HS6ST3: variants seen among roughly 807,000 people sequenced by gnomAD.
HS6ST3 encodes the protein heparan-sulfate 6-O-sulfotransferase 3.
Under a neutral mutation model 36.7 loss-of-function variants are expected in HS6ST3, and 12 were observed. The ratio of observed to expected loss-of-function variants is 0.33; its 90% CI spans 0.21 to 0.53. The LOEUF is 0.53. Ranked by LOEUF, HS6ST3 falls within the 20% of genes least tolerant of loss-of-function variation. The pLI is 0.95. For synonymous variants in HS6ST3, 240 were observed against 257.5 expected (o/e 0.93, Z 0.65); for missense variants, 584 against 640.9 (o/e 0.91, Z 0.96).
In HS6ST3 at chr13:96,285,887, C is replaced by T. The variant is rs549576502; in HGVS notation, c.707+194318C>T. On this transcript the variant is annotated intron_variant, in intron 1 of 1. Coordinates refer to ENST00000376705, the MANE Select transcript of HS6ST3 (RefSeq NM_153456.4). ...TCCCTTCCTCTCTCTTTTCCTCTCT[C>T]TCTCCCTCTTTCCCTCTCTCTCTCC... is the stretch of plus-strand genomic sequence containing the variant. Among the ~76,000 whole-genome samples, 16 of 151,544 alleles carry T rather than the reference C, an allele frequency of 1.1e-4. No homozygotes were observed. In the East Asian group the frequency reaches 2.9e-3, roughly 28 times the overall value.
intron 1 of HS6ST3, among the ~76,000 whole-genome samples, chr13:96,584,898 T>C (rs779757722): frequency 6.6e-6 from 1 of 152,042 alleles, no homozygotes; most frequent in Non-Finnish European, 1.5e-5. Context: ...ACTTGCAGAG[T>C]TGGGAATACC....
At chr13:96,283,113 C>T (rs967290764) in intron 1 of HS6ST3, among the ~76,000 whole-genome samples, 4 of 152,122 alleles carry the variant, frequency 2.6e-5, no homozygotes, top group South Asian at 2.1e-4. Context: ...ATTTCAGATA[C>T]GTTGATGATG....
chr13:96,680,958 T>G (rs2056716548), intron 1 of HS6ST3, among the ~76,000 whole-genome samples: 1 of 152,156 alleles, frequency 6.6e-6, no homozygotes, highest in Non-Finnish European at 1.5e-5. Flanking sequence ...CTGGACAAAT[T>G]ATAAGTTTTC....
intron 1 of HS6ST3, among the ~76,000 whole-genome samples, chr13:96,469,748 G>T (rs1376956678): frequency 1.3e-5 from 2 of 152,036 alleles, no homozygotes; most frequent in East Asian, 3.9e-4. Flanking sequence ...TGATGGCGGT[G>T]GTGGTGATGG....
chr13:96,178,531 C>G (rs2054223508), intron 1 of HS6ST3, among the ~76,000 whole-genome samples: 1 of 95,216 alleles, frequency 1.1e-5, no homozygotes, highest in Non-Finnish European at 2.4e-5. Context: ...TCTCATGCTT[C>G]CTCTTGGGGC....
intron 1 of HS6ST3, among the ~76,000 whole-genome samples, chr13:96,608,815 A>C (rs889715271): frequency 6.6e-6 from 1 of 152,086 alleles, no homozygotes; most frequent in Non-Finnish European, 1.5e-5. Flanking sequence ...AGGGGAACAG[A>C]GTTGTGAATG....
chr13:96,624,919 T>G (rs1340035171), intron 1 of HS6ST3, among the ~76,000 whole-genome samples: 2 of 152,166 alleles, frequency 1.3e-5, no homozygotes, highest in African/African-American at 4.8e-5. Flanking sequence ...AGCCAGTGTT[T>G]TGGTGCATGT....
rs71113997 is a variant in HS6ST3 at position 96,464,947 on chromosome 13, CGTGTGTGTGT to C, written c.708-367511_708-367502del. ...TATCTACTATATTGGCAAGATGCTTCGTGTGTGTGTGTGTGTGTGTGTGTGTGTGTGTGTG... is the reference window on the plus strand; with the variant it reads ...TATCTACTATATTGGCAAGATGCTTCGTGTGTGTGTGTGTGTGTGTGTGTG... On this transcript the variant is annotated intron_variant, in intron 1 of 1. Transcript: ENST00000376705. 1.8e-4 allele frequency among the ~76,000 whole-genome samples: 26 copies of C among 145,550 alleles called. 2 individuals carry two copies. The highest frequency in any genetic ancestry group is 8.3e-4 in the Admixed American group (12 of 14,460).
intron 1 of HS6ST3, among the ~76,000 whole-genome samples, chr13:96,369,515 A>C (rs1307023178): frequency 6.6e-6 from 1 of 152,320 alleles, no homozygotes; most frequent in South Asian, 2.1e-4. Context: ...CTTTCTAGGC[A>C]AAGCCTAGAG....
intron 1 of HS6ST3, among the ~76,000 whole-genome samples, chr13:96,827,006 T>C (rs530575596): frequency 6.6e-6 from 1 of 152,108 alleles, no homozygotes; most frequent in Admixed American, 6.6e-5. Context: ...ATGAAGTAGG[T>C]GACAAATGGA....
At chr13:96,118,005 G>C (rs528718322) in intron 1 of HS6ST3, among the ~76,000 whole-genome samples, 1 of 152,078 alleles carries the variant, frequency 6.6e-6, no homozygotes, top group African/African-American at 2.4e-5. Flanking sequence ...GAGTAGCTGG[G>C]ATTACAGGTG....
intron 1 of HS6ST3, among the ~76,000 whole-genome samples, chr13:96,567,863 G>C (rs1486464427): frequency 6.6e-6 from 1 of 152,186 alleles, no homozygotes; most frequent in Non-Finnish European, 1.5e-5. Context: ...CCTACAAACA[G>C]ATAAGAAATT....
chr13:96,228,588 T>C lies in HS6ST3; in HGVS notation c.707+137019T>C, dbSNP rs1382559030. Among the ~76,000 whole-genome samples the C allele has an allele frequency of 2.0e-5, 3 of 152,184 alleles. No homozygotes were observed. In the East Asian group the frequency reaches 5.8e-4, roughly 29 times the overall value. ...GCCTGTCATGAATATTCTTTATTTT[T>C]TTATGCAACCATCTAGAAATATAAA... On this transcript the variant is annotated intron_variant, in intron 1 of 1. Coordinates refer to ENST00000376705, the MANE Select transcript of HS6ST3 (RefSeq NM_153456.4).
chr13:96,439,011 G>T, intron 1 of HS6ST3, among the ~76,000 whole-genome samples: 1 of 151,806 alleles, frequency 6.6e-6, no homozygotes, highest in Non-Finnish European at 1.5e-5. Flanking sequence ...AGGCTGCAGT[G>T]AACCAAGATT....
chr13:96,793,375 CG>C (rs1353899578), intron 1 of HS6ST3, among the ~76,000 whole-genome samples: 1 of 151,950 alleles, frequency 6.6e-6, no homozygotes, highest in Non-Finnish European at 1.5e-5. Flanking sequence ...TGGAAACCCC[CG>C]GGTACCTTTT....
chr13:96,218,574 A>G (rs1361807728), intron 1 of HS6ST3, among the ~76,000 whole-genome samples: 1 of 152,132 alleles, frequency 6.6e-6, no homozygotes, highest in African/African-American at 2.4e-5. Context: ...GGAGAAGACA[A>G]ACATTAGGGC....
At chr13:96,247,330 G>A (rs1283655169) in intron 1 of HS6ST3, among the ~76,000 whole-genome samples, 1 of 151,974 alleles carries the variant, frequency 6.6e-6, no homozygotes, top group Non-Finnish European at 1.5e-5. Context: ...ATCTCAAATT[G>A]TAATCCCCAT....
chr13:96,247,792 C>T (rs990066664), intron 1 of HS6ST3, among the ~76,000 whole-genome samples: 2 of 152,074 alleles, frequency 1.3e-5, no homozygotes, highest in African/African-American at 4.8e-5. Flanking sequence ...TAATGTGGCT[C>T]TTTTTTGTTA....
chr13:96,498,078 G>T (rs2055985853), intron 1 of HS6ST3, among the ~76,000 whole-genome samples: 1 of 152,114 alleles, frequency 6.6e-6, no homozygotes, highest in South Asian at 2.1e-4. Flanking sequence ...AAATGATTTT[G>T]GGGGGATTTC....
Sources: allele counts gnomAD v4.1 joint callset (sites outside exome capture counted in the v4.1 genomes callset), GRCh38; gene constraint gnomAD v4.1.1; transcripts MANE v1.5; gene names NCBI Gene and HGNC (gene_info 2026-07-23, HGNC 2026-07-21).